Variants in TENM3 observed in about 807,000 individuals in gnomAD.
TENM3 encodes the protein teneurin transmembrane protein 3, also known as teneurin-3.
TENM3 carries 63 observed loss-of-function variants against 255.1 expected under a neutral mutation model. That is an observed-to-expected ratio of 0.25 (90% CI 0.20 to 0.30). TENM3 has a LOEUF of 0.30. TENM3 is among the 10% of genes least tolerant of loss of function. TENM3 has a pLI of 1.00. For synonymous variants in TENM3, 1,306 were observed against 1,322.3 expected (o/e 0.99, Z 0.27); for missense variants, 2,929 against 3,461.1 (o/e 0.85, Z 3.86).
At chr4:182,318,446 A>G (rs749821678) in intron 1 of TENM3, among the ~76,000 whole-genome samples, 6 of 152,226 alleles carry the variant, frequency 3.9e-5, no homozygotes, top group Non-Finnish European at 8.8e-5. Context: ...TGATGTCATT[A>G]CATCATTACA....
At chr4:182,438,883 G>T (rs57836285) in intron 3 of TENM3, among the ~76,000 whole-genome samples, 6 of 152,076 alleles carry the variant, frequency 3.9e-5, no homozygotes, top group Non-Finnish European at 7.4e-5. Context: ...TCTTGCAAAG[G>T]CCTTTGGCCA....
chr4:182,297,601 C>G (rs1761578431), intron 1 of TENM3, among the ~76,000 whole-genome samples: 1 of 152,282 alleles, frequency 6.6e-6, no homozygotes, highest in East Asian at 1.9e-4. Flanking sequence ...GTCAGACACA[C>G]CAGCATGTGA....
Position 182,294,841 on chromosome 4 carries a change from A to G in TENM3, c.-75-29105A>G, listed in dbSNP as rs556089771. Among the ~76,000 whole-genome samples the G allele has an allele frequency of 3.7e-4, 57 of 152,184 alleles. 1 individual carries two copies. Among genetic ancestry groups the G allele is most frequent in the Non-Finnish European group, 7.1e-4 (48 of 68,050 alleles). On this transcript the variant is annotated intron_variant, in intron 1 of 27. Transcript: ENST00000511685. ...ACTCAGAAATCTTGAAAATAAGAAT[A>G]TGGACAAGCATAATGTATATGCCCA... is the stretch of plus-strand genomic sequence containing the variant.
rs1561232986 is a variant in TENM3, at chr4:182,773,577, T to C, written c.4998T>C (p.Ser1666=). The change falls in exon 23 of 28, where the codon TCT becomes TCC. Residue 1666 remains serine, a synonymous_variant. Coordinates refer to ENST00000511685, the MANE Select transcript of TENM3 (RefSeq NM_001080477.4). ...CTATCACAGTGGACATTGAGTCATCTAGCCGAGAAGAAGATGTCAGCATCA... is the reference window on the plus strand; with the variant it reads ...CTATCACAGTGGACATTGAGTCATCCAGCCGAGAAGAAGATGTCAGCATCA... The part of the protein sequence containing the change: ...DKAITVDIES[S]SREEDVSITS... 1 of 1,613,958 alleles carries C rather than the reference T, an allele frequency of 6.2e-7. No homozygotes were observed.
chr4:182,226,010 C>T (rs960203093), intron 1 of TENM3, among the ~76,000 whole-genome samples: 1 of 152,050 alleles, frequency 6.6e-6, no homozygotes, highest in African/African-American at 2.4e-5. Context: ...GGGCAATTAC[C>T]CTGAGTATTT....
chr4:182,107,151 TACACACACAC>T, the TENM3 span, among the ~76,000 whole-genome samples: 13 of 146,064 alleles, frequency 8.9e-5, no homozygotes, highest in South Asian at 4.5e-4. Context: ...AAACAGAACA[TACACACACAC>T]ACACACACAC....
At chr4:181,585,003 C>CAAAAAA in the TENM3 span, among the ~76,000 whole-genome samples, 17 of 134,790 alleles carry the variant, frequency 1.3e-4, no homozygotes, top group East Asian at 6.7e-4. Flanking sequence ...TATCCAGTGG[C>CAAAAAA]AAAAAAAAAA....
At chr4:182,205,613 G>A (rs370489638) in intron 1 of TENM3, among the ~76,000 whole-genome samples, 1 of 152,270 alleles carries the variant, frequency 6.6e-6, no homozygotes, top group African/African-American at 2.4e-5. Context: ...CACATCTGGC[G>A]ACCTAACTCA....
At chr4:181,518,901 G>C in the TENM3 span, among the ~76,000 whole-genome samples, 1 of 152,120 alleles carries the variant, frequency 6.6e-6, no homozygotes, top group Non-Finnish European at 1.5e-5. Flanking sequence ...CAAAGCACCT[G>C]GGTTCTAATT....
At chr4:182,593,288 G>T (rs187222268) in intron 3 of TENM3, among the ~76,000 whole-genome samples, 4 of 152,298 alleles carry the variant, frequency 2.6e-5, no homozygotes, top group African/African-American at 7.2e-5. Flanking sequence ...GGTGTTTTGT[G>T]TAACGGTGCT....
the TENM3 span, among the ~76,000 whole-genome samples, chr4:181,920,516 G>T: frequency 1.3e-5 from 2 of 152,134 alleles, no homozygotes; most frequent in Non-Finnish European, 2.9e-5. Flanking sequence ...GTGTTTTTTG[G>T]CTGCATAAAT....
intron 1 of TENM3, among the ~76,000 whole-genome samples, chr4:182,206,052 TAA>T (rs60159341): frequency 6.1e-5 from 9 of 147,958 alleles, no homozygotes; most frequent in East Asian, 2.0e-4. Flanking sequence ...TCTGTAAAAT[TAA>T]AAAAAAAAAA....
At chr4:182,354,026 T>C (rs1212683229) in intron 3 of TENM3, among the ~76,000 whole-genome samples, 1 of 152,056 alleles carries the variant, frequency 6.6e-6, no homozygotes, top group Non-Finnish European at 1.5e-5. Flanking sequence ...ATTATGAAAC[T>C]AGAACTGAAA....
chr4:181,551,796 AG>A, the TENM3 span, among the ~76,000 whole-genome samples: 1 of 149,600 alleles, frequency 6.7e-6, no homozygotes, highest in Non-Finnish European at 1.5e-5. Context: ...TTTGCAAAAT[AG>A]GCAGTTAATA....
the TENM3 span, among the ~76,000 whole-genome samples, chr4:181,794,966 G>A: frequency 1.3e-5 from 2 of 152,082 alleles, no homozygotes; most frequent in Non-Finnish European, 2.9e-5. Context: ...TCACCTACCA[G>A]TTTGCAAGGT....
At chr4:182,693,539 G>A (rs12510283) in intron 12 of TENM3, among the ~76,000 whole-genome samples, 36,122 of 151,824 alleles carry the variant, frequency 0.24, 5,137 homozygotes, top group East Asian at 0.69. Flanking sequence ...GGGTTTCACC[G>A]CGTTGGCCAG....
At chr4:181,578,193 C>T in the TENM3 span, among the ~76,000 whole-genome samples, 2 of 151,912 alleles carry the variant, frequency 1.3e-5, no homozygotes, top group African/African-American at 4.8e-5. Context: ...GAAAGCCTTT[C>T]TCTGGGGATT....
In TENM3 at chr4:182,599,694, A is replaced by G. The variant is rs532700337; in HGVS notation, c.512-1230A>G. On this transcript the variant is annotated intron_variant, in intron 3 of 27. Transcript: ENST00000511685. ...CTGAATTACAATGTTAAACTGTGCT[A>G]TTTGGCTTAACAATCACTGCTGGAG... Among the ~76,000 whole-genome samples, 12 of 152,294 alleles carry G rather than the reference A, an allele frequency of 7.9e-5. No homozygotes were observed. In the East Asian group the frequency reaches 1.5e-3, roughly 20 times the overall value.
At chr4:181,713,865 A>G in the TENM3 span, among the ~76,000 whole-genome samples, 1 of 152,166 alleles carries the variant, frequency 6.6e-6, no homozygotes, top group Admixed American at 6.5e-5. Flanking sequence ...GCTTACGGTG[A>G]TCAAGGTACC....
Sources: allele counts gnomAD v4.1 joint callset (sites outside exome capture counted in the v4.1 genomes callset), GRCh38; gene constraint gnomAD v4.1.1; transcripts MANE v1.5; gene names NCBI Gene and HGNC (gene_info 2026-07-23, HGNC 2026-07-21).